The following PCDHGA10 variants were observed in gnomAD, a reference collection of about 807,000 sequenced individuals.
The protein encoded by PCDHGA10 is protocadherin gamma-A10.
In PCDHGA10, 42 loss-of-function variants were observed where a neutral mutation model predicts 59.5. That is an observed-to-expected ratio of 0.71 (90% confidence interval 0.55 to 0.91). The LOEUF (loss-of-function observed/expected upper bound fraction) is 0.91. Among genes scored for constraint, PCDHGA10 ranks in the 40% least tolerant of loss-of-function variants. PCDHGA10 has a pLI of 0.00. For missense variants in PCDHGA10, 1,111 were observed against 1,198.2 expected (o/e 0.93, Z 1.07); for synonymous variants, 511 against 517.2 (o/e 0.99, Z 0.16).
chr5:141,433,987 T>C (rs1332689630), intron 1 of PCDHGA10, among the ~76,000 whole-genome samples: 1 of 152,252 alleles, frequency 6.6e-6, no homozygotes, highest in Non-Finnish European at 1.5e-5. Context: ...GAAGAAGAGT[T>C]TTATATTCTC....
Position 141,431,583 on chromosome 5 carries a change from C to A in PCDHGA10, c.2436+15972C>A, listed in dbSNP as rs771534481. On this transcript the variant is annotated intron_variant, in intron 1 of 3. Transcript: ENST00000398610. The surrounding 1 kb of genome is among the most constrained non-coding windows in gnomAD (Gnocchi z 4.8). ...ACCGACCCTGACGAAGGAGTCAATGCGGAAGTGAGGTATTCCTTCCGGTAT... is the reference window on the plus strand; with the variant it reads ...ACCGACCCTGACGAAGGAGTCAATGAGGAAGTGAGGTATTCCTTCCGGTAT... The A allele has an allele frequency of 1.1e-5, 18 of 1,614,008 alleles. No individual in the cohort carries two copies. In the South Asian group the frequency reaches 1.2e-4, roughly 11 times the overall value.
rs1480686339 is a variant in PCDHGA10, at chr5:141,415,643, A to G, written c.2436+32A>G. ...TTTATTTTCATTTTTACTTTTGTTA[A>G]AAAAAAAAAGATTGGTTTTTACTTT... is the stretch of plus-strand genomic sequence containing the variant. On this transcript the variant is annotated intron_variant, in intron 1 of 3. Transcript: ENST00000398610. The G allele has an allele frequency of 5.1e-6, 8 of 1,571,752 alleles. No individual in the cohort carries two copies. In the South Asian group the frequency reaches 9.1e-5, roughly 18 times the overall value.
chr5:141,489,994 C>A lies in PCDHGA10; in HGVS notation c.2437-4813C>A, dbSNP rs1307285048. The A allele has an allele frequency of 1.2e-5, 19 of 1,614,192 alleles. No individual in the cohort carries two copies. The highest frequency in any genetic ancestry group is 1.6e-4 in the Middle Eastern group (1 of 6,062). On this transcript the variant is annotated intron_variant, in intron 1 of 3. Transcript: ENST00000398610. This position sits in a 1 kb window ranked among gnomAD's most constrained non-coding sequence, Gnocchi z 4.5. Reference sequence around the variant, plus strand: ...ATCCTCAGTTCTACGTGTGGGAATCCCAGAGAATGCACCCATTGGTACTCT... The same window carrying A: ...ATCCTCAGTTCTACGTGTGGGAATCACAGAGAATGCACCCATTGGTACTCT...
intron 1 of PCDHGA10, among the ~76,000 whole-genome samples, chr5:141,465,276 C>A (rs558169180): frequency 6.6e-6 from 1 of 152,254 alleles, no homozygotes; most frequent in South Asian, 2.1e-4. Context: ...CCATTTAGTT[C>A]ACCCCTAAAG....
At position 141,477,592 on chromosome 5, in the gene PCDHGA10, T is replaced by G; in HGVS notation, c.2437-17215T>G. On this transcript the variant is annotated intron_variant, in intron 1 of 3. Coordinates refer to ENST00000398610, the MANE Select transcript of PCDHGA10 (RefSeq NM_018913.3). The surrounding 1 kb of genome is among the most constrained non-coding windows in gnomAD (Gnocchi z 4.9). ...CCGACGCCCCGCAGAATGCTCGGCT[T>G]TCTTTCTTTCTCTTGGAGCAAGGAG... The G allele has an allele frequency of 6.2e-7, 1 of 1,614,142 alleles. No homozygotes were observed. Among genetic ancestry groups the G allele is most frequent in the Non-Finnish European group, 8.5e-7 (1 of 1,180,014 alleles).
At chr5:141,419,443 C>A in intron 1 of PCDHGA10, 1 of 1,613,080 alleles carries the variant, frequency 6.2e-7, no homozygotes, top group Non-Finnish European at 8.5e-7. Context: ...TGCGCACCTT[C>A]GAGCTCACGC....
intron 1 of PCDHGA10, among the ~76,000 whole-genome samples, chr5:141,442,680 A>C (rs2098335997): frequency 6.6e-6 from 1 of 152,270 alleles, no homozygotes; most frequent in Non-Finnish European, 1.5e-5. Flanking sequence ...CTTGAGGGAC[A>C]GTAGTCAGGC....
At chr5:141,427,721 A>C (rs904969652) in intron 1 of PCDHGA10, 3 of 1,110,498 alleles carry the variant, frequency 2.7e-6, no homozygotes, top group Non-Finnish European at 4.0e-6. Context: ...ACCTGGACCT[A>C]GGGCTGAATG....
chr5:141,467,907 C>A (rs1166486426), intron 1 of PCDHGA10, among the ~76,000 whole-genome samples: 1 of 152,156 alleles, frequency 6.6e-6, no homozygotes, highest in Non-Finnish European at 1.5e-5. Flanking sequence ...AATCCGCCCA[C>A]CTCAGCCTCC....
At chr5:141,444,115 AG>A (rs1206374963) in intron 1 of PCDHGA10, among the ~76,000 whole-genome samples, 3 of 147,326 alleles carry the variant, frequency 2.0e-5, no homozygotes, top group Admixed American at 2.0e-4. Context: ...AGAAAAGTGA[AG>A]TATCTCAACA....
At position 141,427,886 on chromosome 5, in the gene PCDHGA10, C is replaced by T. The variant is rs908553179; in HGVS notation, c.2436+12275C>T. The T allele has an allele frequency of 1.9e-6, 3 of 1,565,276 alleles. 1 individual carries two copies. On this transcript the variant is annotated intron_variant, in intron 1 of 3. Coordinates refer to ENST00000398610, the MANE Select transcript of PCDHGA10 (RefSeq NM_018913.3). ...TCGAGCTCACGATGCAGGCCCACGA[C>T]CAGGGCTCGCCCGCGCTCAGCGCCA...
In PCDHGA10 at chr5:141,485,513, T is replaced by C. The variant is rs751762068; in HGVS notation, c.2437-9294T>C. The C allele has an allele frequency of 4.3e-6, 7 of 1,613,938 alleles. No homozygotes were observed. The highest frequency in any genetic ancestry group is 2.2e-5 in the East Asian group (1 of 44,890). On this transcript the variant is annotated intron_variant, in intron 1 of 3. Coordinates refer to ENST00000398610, the MANE Select transcript of PCDHGA10 (RefSeq NM_018913.3). The surrounding 1 kb of genome is among the most constrained non-coding windows in gnomAD (Gnocchi z 5.7). ...CCTGGAGTTTGTCACCGAAGGTCCTTTGGAAATGTACCGAGCAGAGGTAGA... is the reference window on the plus strand; with the variant it reads ...CCTGGAGTTTGTCACCGAAGGTCCTCTGGAAATGTACCGAGCAGAGGTAGA...
intron 1 of PCDHGA10, chr5:141,421,405 C>T (rs2096570069): frequency 6.2e-7 from 1 of 1,614,074 alleles, no homozygotes; most frequent in African/African-American, 1.3e-5. Context: ...GCCCCGGGAG[C>T]TGGCGAAGCG....
chr5:141,470,021 C>T (rs111919483), intron 1 of PCDHGA10, among the ~76,000 whole-genome samples: 8 of 152,156 alleles, frequency 5.3e-5, no homozygotes, highest in African/African-American at 1.9e-4. Flanking sequence ...CCCAGCTACT[C>T]GGGATGCTGA....
chr5:141,478,509 G>C, intron 1 of PCDHGA10: 1 of 1,611,878 alleles, frequency 6.2e-7, no homozygotes, highest in Non-Finnish European at 8.5e-7. Context: ...GTGTTCTATA[G>C]GCAGGTGTTG....
chr5:141,422,928 C>T lies in PCDHGA10; in HGVS notation c.2436+7317C>T, dbSNP rs781145334. 4 of 1,614,128 alleles carry T rather than the reference C, an allele frequency of 2.5e-6. No individual in the cohort carries two copies. In the African/African-American group the frequency reaches 4.0e-5, roughly 16 times the overall value. On this transcript the variant is annotated intron_variant, in intron 1 of 3. Transcript: ENST00000398610. ...ATGCGCCCGAGATCCTGTACCCTGC[C>T]CTCCCCACAGACGGCTCCACTGGCG...
intron 1 of PCDHGA10, among the ~76,000 whole-genome samples, chr5:141,436,478 A>G (rs1360229764): frequency 2.0e-5 from 3 of 152,220 alleles, no homozygotes; most frequent in Non-Finnish European, 4.4e-5. Context: ...TGTATCATAG[A>G]AGGATAGCAG....
rs367731612 is a variant in PCDHGA10, at chr5:141,419,406, C to T, written c.2436+3795C>T. The T allele has an allele frequency of 6.5e-5, 105 of 1,613,522 alleles. 1 individual carries two copies. The South Asian group carries it at 1.0e-3, about 16-fold the overall frequency. Reference sequence around the variant, plus strand: ...AGCGCGCAGAGCGGGGTGGTGTTCGCGCAGCGCGCCTTCGACCACGAGCAG... The same window carrying T: ...AGCGCGCAGAGCGGGGTGGTGTTCGTGCAGCGCGCCTTCGACCACGAGCAG... On this transcript the variant is annotated intron_variant, in intron 1 of 3. Transcript: ENST00000398610.
At chr5:141,425,802 C>T (rs966768224) in intron 1 of PCDHGA10, among the ~76,000 whole-genome samples, 6 of 152,160 alleles carry the variant, frequency 3.9e-5, no homozygotes, top group African/African-American at 1.4e-4. Context: ...ATGTGCATTG[C>T]TTCTGCTTAG....
Sources: gnomAD v4.1 joint callset for allele counts (sites outside exome capture counted in the v4.1 genomes callset) on GRCh38, gnomAD v4.1.1 for gene constraint, Gnocchi (gnomAD v3.1) non-coding constraint, MANE v1.5 for transcripts, NCBI Gene and HGNC (gene_info 2026-07-23, HGNC 2026-07-21) for gene names.